Variants in NR5A2 observed in about 807,000 individuals in gnomAD.
The protein encoded by NR5A2 is nuclear receptor subfamily 5 group A member 2.
A neutral mutation model predicts 62.7 loss-of-function variants in NR5A2; 26 were observed. The observed-to-expected ratio is 0.41, with a 90% CI of 0.30 to 0.58. The LOEUF is 0.58. Ranked by LOEUF, NR5A2 falls within the 20% of genes least tolerant of loss-of-function variation. The pLI, the probability that NR5A2 is intolerant of heterozygous loss-of-function variation, is 0.22. For missense variants in NR5A2, 541 were observed against 669.1 expected, an observed-to-expected ratio of 0.81 and a Z score of 2.11; for synonymous variants, 246 against 241.7, an observed-to-expected ratio of 1.02 and a Z score of -0.16.
At chr1:200,055,699 A>T (rs1182759400) in intron 5 of NR5A2, among the ~76,000 whole-genome samples, 2 of 152,246 alleles carry the variant, frequency 1.3e-5, no homozygotes, top group African/African-American at 4.8e-5. Context: ...CTCTGGATGC[A>T]AAGTAGCTAA....
intron 7 of NR5A2, among the ~76,000 whole-genome samples, chr1:200,173,716 T>G (rs1023929075): frequency 6.6e-6 from 1 of 152,196 alleles, no homozygotes; most frequent in Non-Finnish European, 1.5e-5. Context: ...TTGACCTTGC[T>G]CAAAATCCAC....
rs1661932060 is a variant in NR5A2, at chr1:200,039,263, G to T, written c.65-395G>T. Among the ~76,000 whole-genome samples, 1 of 152,130 alleles carries T rather than the reference G, an allele frequency of 6.6e-6. No individual in the cohort carries two copies. The highest frequency in any genetic ancestry group is 2.4e-5 in the African/African-American group (1 of 41,442). Reference sequence around the variant, plus strand: ...GAGGGCGGTGGAGGGAGGGGAAGGAGTCGCCCGAGCCGTCCGGGAGCAGTG... The same window carrying T: ...GAGGGCGGTGGAGGGAGGGGAAGGATTCGCCCGAGCCGTCCGGGAGCAGTG... On this transcript the variant is annotated intron_variant, in intron 1 of 7. Coordinates refer to ENST00000367362, the MANE Select transcript of NR5A2 (RefSeq NM_205860.3). This position sits in a 1 kb window ranked among gnomAD's most constrained non-coding sequence, Gnocchi z 5.1.
intron 7 of NR5A2, among the ~76,000 whole-genome samples, chr1:200,145,989 T>A (rs1418874534): frequency 6.6e-6 from 1 of 152,246 alleles, no homozygotes; most frequent in African/African-American, 2.4e-5. Context: ...AATTTTACTC[T>A]TCAAAAATTT....
At chr1:200,031,941 G>A (rs904509316) in intron 1 of NR5A2, among the ~76,000 whole-genome samples, 6 of 152,140 alleles carry the variant, frequency 3.9e-5, no homozygotes, top group African/African-American at 1.4e-4. Flanking sequence ...ACAGAGGCTT[G>A]TTAATGCTTC....
Position 200,039,598 on chromosome 1 carries a change from G to A in NR5A2, c.65-60G>A, listed in dbSNP as rs1661957460. The stretch of plus-strand genomic sequence containing the variant: ...CGAGGCGAGAGGGTTGGGTTAGCAG[G>A]CATCCCGGTCGCCCCTTCCTTCTTT... On this transcript the variant is annotated intron_variant, in intron 1 of 7. Transcript: ENST00000367362. This position sits in a 1 kb window ranked among gnomAD's most constrained non-coding sequence, Gnocchi z 5.1. 2 of 1,604,372 alleles carry A rather than the reference G, an allele frequency of 1.2e-6. No individual in the cohort carries two copies. Among genetic ancestry groups the A allele is most frequent in the African/African-American group, 1.4e-5 (1 of 73,688 alleles).
intron 7 of NR5A2, among the ~76,000 whole-genome samples, chr1:200,151,937 C>A (rs1222626155): frequency 1.3e-5 from 2 of 152,206 alleles, no homozygotes; most frequent in African/African-American, 4.8e-5. Context: ...GTAATATTAC[C>A]AGGGTCTTAA....
intron 5 of NR5A2, among the ~76,000 whole-genome samples, chr1:200,099,018 A>G (rs546201960): frequency 6.6e-6 from 1 of 152,274 alleles, no homozygotes; most frequent in East Asian, 1.9e-4. Context: ...CTATGAATCC[A>G]TTTCTGGGAA....
At position 200,149,935 on chromosome 1, in the gene NR5A2, C is replaced by T. The variant is rs541354788; in HGVS notation, c.1379-24028C>T. ...AATCCCCTATGGCATTTTGTAGTTA[C>T]CTCCATGCAGTAATGATAATATCCA... On this transcript the variant is annotated intron_variant, in intron 7 of 7. Transcript: ENST00000367362. Among the ~76,000 whole-genome samples, 22 of 152,268 alleles carry T rather than the reference C, an allele frequency of 1.4e-4. No individual in the cohort carries two copies. The South Asian group carries it at 3.1e-3, about 22-fold the overall frequency.
chr1:200,034,047 C>T (rs767701540), intron 1 of NR5A2, among the ~76,000 whole-genome samples: 6 of 152,166 alleles, frequency 3.9e-5, no homozygotes, highest in Non-Finnish European at 7.3e-5. Context: ...GTTTCCCCTT[C>T]CATCAAGAAG....
chr1:200,103,122 C>CTTTTTTTTTT (rs10655211), intron 5 of NR5A2, among the ~76,000 whole-genome samples: 19 of 106,628 alleles, frequency 1.8e-4, no homozygotes, highest in Admixed American at 2.3e-4. Flanking sequence ...ATGTAAAACT[C>CTTTTTTTTTT]TTTTTTTTTT....
At chr1:200,146,955 T>C (rs542060614) in intron 7 of NR5A2, among the ~76,000 whole-genome samples, 25 of 119,262 alleles carry the variant, frequency 2.1e-4, no homozygotes, top group Admixed American at 1.2e-3. Context: ...TCCTTATCCT[T>C]GTATCCTTTT....
In NR5A2 at chr1:200,147,328, C is replaced by A. The variant is rs935885519; in HGVS notation, c.1378+26373C>A. ...GCCTACTGTGCGCTCCTCTCCTCATCCAGCAAAGCTCGGCCTACATGGAGG... is the reference window on the plus strand; with the variant it reads ...GCCTACTGTGCGCTCCTCTCCTCATACAGCAAAGCTCGGCCTACATGGAGG... On this transcript the variant is annotated intron_variant, in intron 7 of 7. Transcript: ENST00000367362. This position sits in a 1 kb window ranked among gnomAD's most constrained non-coding sequence, Gnocchi z 4.9. 6.6e-6 allele frequency among the ~76,000 whole-genome samples: 1 copy of A among 152,212 alleles called. No individual in the cohort carries two copies. The highest frequency in any genetic ancestry group is 6.5e-5 in the Admixed American group (1 of 15,288).
intron 7 of NR5A2, among the ~76,000 whole-genome samples, chr1:200,121,626 A>T (rs751919438): frequency 2.0e-5 from 3 of 152,204 alleles, no homozygotes; most frequent in Non-Finnish European, 2.9e-5. Flanking sequence ...ATGGATTTTT[A>T]TTGACTTCAA....
intron 7 of NR5A2, among the ~76,000 whole-genome samples, chr1:200,148,499 C>A (rs533687817): frequency 4.6e-5 from 7 of 152,200 alleles, no homozygotes; most frequent in East Asian, 1.9e-4. Context: ...CACTCTCCCC[C>A]CAATAATCTC....
chr1:200,132,059 G>T (rs1666988473), intron 7 of NR5A2, among the ~76,000 whole-genome samples: 1 of 152,140 alleles, frequency 6.6e-6, no homozygotes, highest in African/African-American at 2.4e-5. Flanking sequence ...TCTCCAGCTG[G>T]AGTGCAGTGG....
At chr1:200,033,019 G>T (rs1661602657) in intron 1 of NR5A2, among the ~76,000 whole-genome samples, 1 of 152,140 alleles carries the variant, frequency 6.6e-6, no homozygotes, top group African/African-American at 2.4e-5. Flanking sequence ...ACCATATTTG[G>T]ATCCTTCTAG....
intron 5 of NR5A2, among the ~76,000 whole-genome samples, chr1:200,055,032 G>A (rs1435320718): frequency 6.6e-6 from 1 of 151,850 alleles, no homozygotes; most frequent in Non-Finnish European, 1.5e-5. Flanking sequence ...AAATAGCTGG[G>A]ACCACAGGCG....
chr1:200,171,301 G>A (rs1276615648), intron 7 of NR5A2, among the ~76,000 whole-genome samples: 1 of 152,178 alleles, frequency 6.6e-6, no homozygotes, highest in Non-Finnish European at 1.5e-5. Context: ...AATTAACTCA[G>A]GCATGTGGAT....
At chr1:200,038,554 C>T (rs561931416) in intron 1 of NR5A2, 8 of 482,574 alleles carry the variant, frequency 1.7e-5, no homozygotes, top group African/African-American at 1.4e-4. Flanking sequence ...TGACCGCAGA[C>T]CAACTCTGCA....
Sources: gnomAD v4.1 joint callset for allele counts (sites outside exome capture counted in the v4.1 genomes callset) on GRCh38, gnomAD v4.1.1 for gene constraint, Gnocchi (gnomAD v3.1) non-coding constraint, MANE v1.5 for transcripts, NCBI Gene and HGNC (gene_info 2026-07-23, HGNC 2026-07-21) for gene names.